Variants in MYO3A observed in about 807,000 individuals in gnomAD.
The protein encoded by MYO3A is myosin IIIA.
MYO3A carries 180 observed loss-of-function variants against 192.7 expected under a neutral mutation model. That is an observed-to-expected ratio of 0.93 (90% confidence interval 0.83 to 1.06). The LOEUF is 1.06. Among genes scored for constraint, MYO3A ranks in the 50% least tolerant of loss-of-function variants. MYO3A has a pLI of 0.00. For synonymous variants in MYO3A, 628 were observed against 645.3 expected (o/e 0.97, Z 0.41); for missense variants, 1,896 against 1,905.0 (o/e 1.00, Z 0.09).
intron 17 of MYO3A, among the ~76,000 whole-genome samples, chr10:26,104,768 A>T (rs1837686544): frequency 6.6e-6 from 1 of 151,764 alleles, no homozygotes; most frequent in South Asian, 2.1e-4. Context: ...ACCTCCTTAA[A>T]TCTACATCTG....
intron 14 of MYO3A, among the ~76,000 whole-genome samples, chr10:26,083,102 A>G (rs548643358): frequency 6.6e-6 from 1 of 152,322 alleles, no homozygotes; most frequent in African/African-American, 2.4e-5. Flanking sequence ...CAAGCAGGCA[A>G]ATATGGTTTC....
chr10:25,982,247 C>A (rs1484381783), intron 4 of MYO3A, among the ~76,000 whole-genome samples: 1 of 152,136 alleles, frequency 6.6e-6, no homozygotes, highest in Admixed American at 6.5e-5. Flanking sequence ...GAGCCCCACC[C>A]AAGGAGAGGC....
intron 14 of MYO3A, among the ~76,000 whole-genome samples, chr10:26,078,785 G>A (rs558022156): frequency 6.6e-6 from 1 of 152,200 alleles, no homozygotes; most frequent in South Asian, 2.1e-4. Context: ...TCAGGAGCAG[G>A]TTATTTGATT....
chr10:26,147,345 A>G, intron 22 of MYO3A, 85 bp from the exon 23 acceptor site: 7 of 1,344,270 alleles, frequency 5.2e-6, no homozygotes, highest in Non-Finnish European at 7.4e-6. Context: ...CATAATGAGT[A>G]TCTGTTGTTG....
intron 2 of MYO3A, among the ~76,000 whole-genome samples, chr10:25,947,077 T>C (rs901152536): frequency 4.6e-5 from 7 of 151,954 alleles, no homozygotes; most frequent in Admixed American, 4.6e-4. Context: ...GGTGGCGTTC[T>C]ATATATCCCT....
At chr10:26,040,036 G>T (rs12262670) in intron 10 of MYO3A, among the ~76,000 whole-genome samples, 47,219 of 151,066 alleles carry the variant, frequency 0.31, 7,626 homozygotes, top group Middle Eastern at 0.44. Context: ...TCCCATTACT[G>T]CTGTCACTGT....
chr10:25,992,122 A>G (rs9731575), intron 4 of MYO3A, among the ~76,000 whole-genome samples: 14,490 of 152,026 alleles, frequency 0.095, 1,221 homozygotes, highest in African/African-American at 0.22. Flanking sequence ...CCATTTTCAC[A>G]ATATTGATTC....
chr10:26,212,160 C>G lies in MYO3A; in HGVS notation c.*197C>G, dbSNP rs1262041556. 1.1e-5 allele frequency: 8 copies of G among 746,550 alleles called. No homozygotes were observed. Among genetic ancestry groups the G allele is most frequent in the Non-Finnish European group, 8.2e-6 (4 of 488,046 alleles). The allele number at this position is 746,550 out of a possible 1,614,324, so 46.2% of individuals were successfully genotyped here. On this transcript the variant is annotated 3_prime_UTR_variant, in exon 35 of 35. Coordinates refer to ENST00000642920, the MANE Select transcript of MYO3A (RefSeq NM_017433.5). ...CCGAAACAAGAGACCTGGGAGCCCT[C>G]GGGAAACCTCCCCCGACGCTCTCTC...
intron 7 of MYO3A, among the ~76,000 whole-genome samples, chr10:26,020,844 A>G (rs1381571885): frequency 2.0e-5 from 3 of 152,220 alleles, no homozygotes; most frequent in Non-Finnish European, 4.4e-5. Context: ...TTGACTCTCA[A>G]TTACATCTTT....
At chr10:26,156,608 CT>C (rs1841133772) in intron 25 of MYO3A, among the ~76,000 whole-genome samples, 1 of 152,166 alleles carries the variant, frequency 6.6e-6, no homozygotes, top group African/African-American at 2.4e-5. Flanking sequence ...CTTATATCTA[CT>C]TCTTACATAT....
intron 10 of MYO3A, among the ~76,000 whole-genome samples, chr10:26,062,530 A>AAAAAAACAAAAAAAACAAAAAAAAAACG (rs1554816581): frequency 3.2e-5 from 4 of 126,008 alleles, no homozygotes; most frequent in South Asian, 2.4e-4. Context: ...AAAAAAAAAA[A>AAAAAAACAAAAAAAACAAAAAAAAAACG]AAATTATGGA....
intron 20 of MYO3A, among the ~76,000 whole-genome samples, chr10:26,133,879 A>G (rs1395493533): frequency 1.3e-5 from 2 of 152,252 alleles, no homozygotes; most frequent in Non-Finnish European, 2.9e-5. Flanking sequence ...TTGACAAACC[A>G]AAATACAATT....
chr10:26,085,534 T>C, intron 14 of MYO3A, among the ~76,000 whole-genome samples: 1 of 152,198 alleles, frequency 6.6e-6, no homozygotes. Flanking sequence ...AGGAGTACCT[T>C]GTTTAATTTC....
At chr10:25,988,986 G>A (rs1448651748) in intron 4 of MYO3A, among the ~76,000 whole-genome samples, 3 of 133,610 alleles carry the variant, frequency 2.2e-5, no homozygotes, top group South Asian at 2.2e-4. Context: ...ACAGCGTCTC[G>A]CTCTGTCGCC....
At chr10:26,125,306 C>A in intron 18 of MYO3A, 92 bp from the exon 19 acceptor site, 2 of 1,095,644 alleles carry the variant, frequency 1.8e-6, no homozygotes, top group Non-Finnish European at 2.7e-6. Flanking sequence ...TAATTCATGT[C>A]ATTTGAAGAA....
chr10:26,123,701 C>G (rs988001894), intron 18 of MYO3A, among the ~76,000 whole-genome samples: 1 of 152,122 alleles, frequency 6.6e-6, no homozygotes, highest in Admixed American at 6.5e-5. Context: ...CCAAGACGGG[C>G]AGATCACGAG....
rs951645151 is a variant in MYO3A at position 26,137,088 on chromosome 10, A to G, written c.2263-6360A>G. Among the ~76,000 whole-genome samples the G allele has an allele frequency of 2.2e-4, 33 of 152,186 alleles. 1 individual carries two copies. Among genetic ancestry groups the G allele is most frequent in the African/African-American group, 8.0e-4 (33 of 41,448 alleles). The stretch of plus-strand genomic sequence containing the variant: ...GGTCTGGTGTGTACTAATGTAGGTG[A>G]TGAGACTATATAAAAAATAAAATTA... On this transcript the variant is annotated intron_variant, in intron 20 of 34. Coordinates refer to ENST00000642920, the MANE Select transcript of MYO3A (RefSeq NM_017433.5).
At chr10:25,979,975 G>A (rs964024771) in intron 4 of MYO3A, among the ~76,000 whole-genome samples, 1 of 152,194 alleles carries the variant, frequency 6.6e-6, no homozygotes, top group Non-Finnish European at 1.5e-5. Flanking sequence ...AATGGCTCAC[G>A]CCTGTAATCC....
chr10:26,020,143 G>T (rs1842226685), intron 7 of MYO3A, among the ~76,000 whole-genome samples: 1 of 152,008 alleles, frequency 6.6e-6, no homozygotes, highest in Admixed American at 6.6e-5. Flanking sequence ...CTTCTTATTT[G>T]CCCATAAACT....
Sources: allele counts gnomAD v4.1 joint callset (sites outside exome capture counted in the v4.1 genomes callset), GRCh38; gene constraint gnomAD v4.1.1; transcripts MANE v1.5; gene names NCBI Gene and HGNC (gene_info 2026-07-23, HGNC 2026-07-21).